The following EFHB variants were observed in gnomAD, a reference collection of about 807,000 sequenced individuals.
EFHB encodes the protein EF-hand domain family member B.
In EFHB, 91 loss-of-function variants were observed where a neutral mutation model predicts 87.2. The observed-to-expected ratio is 1.04, with a 90% CI of 0.88 to 1.24. The LOEUF (loss-of-function observed/expected upper bound fraction) is 1.24, where lower values mean the gene tolerates loss of function less well. EFHB is among the 50% of genes most tolerant of loss of function. The pLI is 0.00. For synonymous variants in EFHB, 325 were observed against 333.6 expected, an observed-to-expected ratio of 0.97 and a Z score of 0.28; for missense variants, 1,084 against 998.8, an observed-to-expected ratio of 1.09 and a Z score of -1.15.
intron 2 of EFHB, among the ~76,000 whole-genome samples, chr3:19,920,264 G>A (rs779166124): frequency 6.6e-6 from 1 of 152,054 alleles, no homozygotes; most frequent in Non-Finnish European, 1.5e-5. Context: ...AAAGCATACC[G>A]TTATTCCCAC....
intron 11 of EFHB, among the ~76,000 whole-genome samples, chr3:19,883,550 A>G (rs953604963): frequency 2.0e-5 from 3 of 152,164 alleles, no homozygotes; most frequent in African/African-American, 7.2e-5. Flanking sequence ...TGATATATGG[A>G]TGTTATAGGT....
At chr3:19,900,217 G>A (rs781457664) in intron 6 of EFHB, among the ~76,000 whole-genome samples, 6 of 152,042 alleles carry the variant, frequency 3.9e-5, no homozygotes, top group Admixed American at 6.6e-5. Flanking sequence ...AATTTGAGAC[G>A]AGCCTGGGTA....
Position 19,884,567 on chromosome 3 carries a change from G to GGAGA in EFHB, c.1981_1982insTCTC (p.Pro661LeufsTer3). 1.2e-6 allele frequency: 2 copies of GGAGA among 1,613,874 alleles called. No homozygotes were observed. The highest frequency in any genetic ancestry group is 1.7e-6 in the Non-Finnish European group (2 of 1,179,872). On this transcript the variant is annotated frameshift_variant, in exon 11 of 13. Coordinates refer to ENST00000295824, the MANE Select transcript of EFHB (RefSeq NM_144715.4). LOFTEE classifies it high-confidence loss of function. ...TGGCTTTATGAGGAGAGTTTGTTCA[G>GGAGA]GTTCTTCAACATTAGCCTCAGTAGG...
chr3:19,943,127 TG>T, intron 1 of EFHB: 1 of 246,490 alleles, frequency 4.1e-6, no homozygotes, highest in Non-Finnish European at 8.7e-6. Context: ...ACTGTGTTCA[TG>T]GGGTTCATTG....
chr3:19,908,201 A>C (rs1490727628), intron 5 of EFHB, among the ~76,000 whole-genome samples: 1 of 152,242 alleles, frequency 6.6e-6, no homozygotes, highest in Non-Finnish European at 1.5e-5. Flanking sequence ...ATGAACATAC[A>C]TACTGATATA....
At position 19,942,008 on chromosome 3, in the gene EFHB, A is replaced by T. The variant is rs1018628499; in HGVS notation, c.-32+4911T>A. On this transcript the variant is annotated intron_variant, in intron 1 of 14. Transcript: ENST00000344838. ...CGTCTCTACTAAAAATACAAAAAAA[A>T]TTACCCAGGCGTGGTGGTGGGCACC... is the stretch of plus-strand genomic sequence containing the variant. Among the ~76,000 whole-genome samples, 14 of 151,900 alleles carry T rather than the reference A, an allele frequency of 9.2e-5. No individual in the cohort carries two copies. The East Asian group carries it at 2.7e-3, about 30-fold the overall frequency.
At chr3:19,920,629 A>G (rs1575035723) in intron 1 of EFHB, 62 bp from the exon 2 acceptor site, 1 of 1,383,652 alleles carries the variant, frequency 7.2e-7, no homozygotes, top group African/African-American at 1.5e-5. Context: ...TTGAAGAATG[A>G]AATTTATTTC....
chr3:19,928,797 T>G (rs1209157033), intron 1 of EFHB, among the ~76,000 whole-genome samples: 1 of 151,714 alleles, frequency 6.6e-6, no homozygotes, highest in African/African-American at 2.4e-5. Context: ...GCCAATGCAG[T>G]GAGGTAGGAA....
chr3:19,906,359 G>C (rs2125136730), intron 5 of EFHB, among the ~76,000 whole-genome samples: 1 of 152,126 alleles, frequency 6.6e-6, no homozygotes, highest in East Asian at 1.9e-4. Flanking sequence ...AGTGAATTAA[G>C]TAAAGTCAAA....
intron 4 of EFHB, among the ~76,000 whole-genome samples, chr3:19,917,759 T>C (rs775866520): frequency 3.9e-5 from 6 of 152,184 alleles, no homozygotes; most frequent in Non-Finnish European, 8.8e-5. Flanking sequence ...CTCTGCTCTG[T>C]ATTTGGTTAG....
intron 10 of EFHB, among the ~76,000 whole-genome samples, chr3:19,887,157 G>T (rs144241480): frequency 4.2e-3 from 639 of 152,140 alleles, no homozygotes; most frequent in Non-Finnish European, 5.3e-3. Context: ...AAGACAGGAG[G>T]ATCACTTGAG....
In EFHB at chr3:19,934,119, C is replaced by T; in HGVS notation, c.-101G>A. Reference sequence around the variant, plus strand: ...GCCTCCAATCCCTTGCGGAACCCCTCTCTCAGGAAAGAGCACAACCTCACT... The same window carrying T: ...GCCTCCAATCCCTTGCGGAACCCCTTTCTCAGGAAAGAGCACAACCTCACT... On this transcript the variant is annotated 5_prime_UTR_variant, in exon 1 of 13. Coordinates refer to ENST00000295824, the MANE Select transcript of EFHB (RefSeq NM_144715.4). The T allele has an allele frequency of 6.8e-7, 1 of 1,466,610 alleles. No individual in the cohort carries two copies. The highest frequency in any genetic ancestry group is 1.4e-5 in the South Asian group (1 of 70,458). 90.8% of individuals were successfully genotyped at this position (1,466,610 alleles called of 1,614,324 possible). A position where few individuals can be genotyped will look rare whatever the true frequency, so the allele number is the denominator to read the frequency against.
At chr3:19,883,588 G>A (rs765209145) in intron 11 of EFHB, among the ~76,000 whole-genome samples, 1 of 151,992 alleles carries the variant, frequency 6.6e-6, no homozygotes, top group Non-Finnish European at 1.5e-5. Context: ...AAATTTAGAT[G>A]GTGAAGTCCT....
At chr3:19,939,807 C>G (rs762806190) in intron 1 of EFHB, among the ~76,000 whole-genome samples, 35 of 152,178 alleles carry the variant, frequency 2.3e-4, no homozygotes, top group Non-Finnish European at 4.7e-4. Context: ...GAAGAGCAAG[C>G]CTTCTAATAG....
chr3:19,932,280 A>AT (rs1695854271), intron 1 of EFHB, among the ~76,000 whole-genome samples: 1 of 152,208 alleles, frequency 6.6e-6, no homozygotes, highest in South Asian at 2.1e-4. Flanking sequence ...CCAGTCCATC[A>AT]TAACTACTGA....
At chr3:19,930,486 A>G (rs562031368) in intron 1 of EFHB, among the ~76,000 whole-genome samples, 4 of 152,222 alleles carry the variant, frequency 2.6e-5, no homozygotes, top group Non-Finnish European at 5.9e-5. Context: ...AAATTTCATG[A>G]TAGCTTTCTC....
chr3:19,901,612 C>G (rs897230481), intron 6 of EFHB, among the ~76,000 whole-genome samples: 1 of 152,090 alleles, frequency 6.6e-6, no homozygotes, highest in African/African-American at 2.4e-5. Flanking sequence ...TAAATCAATG[C>G]AGTTTAGGGC....
chr3:19,896,444 G>C, intron 9 of EFHB: 1 of 560,498 alleles, frequency 1.8e-6, no homozygotes, highest in Non-Finnish European at 3.2e-6. Context: ...AAATATTTTA[G>C]GTTTTGAAGG....
intron 9 of EFHB, among the ~76,000 whole-genome samples, chr3:19,889,118 T>A (rs1035851876): frequency 6.6e-6 from 1 of 152,186 alleles, no homozygotes; most frequent in African/African-American, 2.4e-5. Context: ...CTAAGATTCA[T>A]CCTGGTAAGT....
Sources: gnomAD v4.1 joint callset for allele counts (sites outside exome capture counted in the v4.1 genomes callset) on GRCh38, gnomAD v4.1.1 for gene constraint, MANE v1.5 for transcripts, NCBI Gene and HGNC (gene_info 2026-07-23, HGNC 2026-07-21) for gene names.